The following MCTP2 variants were observed in gnomAD, a reference collection of about 807,000 sequenced individuals.
The protein encoded by MCTP2 is multiple C2 and transmembrane domain containing 2, also known as multiple C2 and transmembrane domain-containing protein 2.
A neutral mutation model predicts 111.6 loss-of-function variants in MCTP2; 132 were observed. The observed-to-expected ratio is 1.18, with a 90% CI of 1.03 to 1.37. The LOEUF is 1.37. MCTP2 is among the 40% of genes most tolerant of loss of function. The probability of loss-of-function intolerance (pLI) is 0.00; values close to 1 mark genes in which losing one functional copy is unlikely to be tolerated. For synonymous variants in MCTP2, 395 were observed against 387.7 expected, an observed-to-expected ratio of 1.02 and a Z score of -0.22; for missense variants, 1,183 against 1,067.9, an observed-to-expected ratio of 1.11 and a Z score of -1.50.
At chr15:94,315,660 T>G (rs12101974) in intron 4 of MCTP2, 23 bp downstream of exon 4, 464,253 of 1,557,434 alleles carry the variant, frequency 0.3, 72,134 homozygotes, top group Admixed American at 0.48. Flanking sequence ...TCTGTTATGG[T>G]GGGTGTAGCC....
At chr15:94,473,884 G>A (rs1174628745) in intron 21 of MCTP2, among the ~76,000 whole-genome samples, 1 of 152,060 alleles carries the variant, frequency 6.6e-6, no homozygotes, top group Non-Finnish European at 1.5e-5. Flanking sequence ...TGTTTCAAGT[G>A]GTTATTCTCA....
chr15:94,345,026 T>C, intron 7 of MCTP2, 103 bp from the exon 8 acceptor site: 1 of 1,316,186 alleles, frequency 7.6e-7, no homozygotes, highest in Non-Finnish European at 1.1e-6. Context: ...ATTATCTGAA[T>C]GTAACCTGGA....
chr15:94,350,075 G>A (rs1339177316), intron 8 of MCTP2, among the ~76,000 whole-genome samples: 1 of 152,142 alleles, frequency 6.6e-6, no homozygotes, highest in Non-Finnish European at 1.5e-5. Context: ...AGCCATCTTT[G>A]AACAAGTCCT....
Position 94,398,954 on chromosome 15 carries a change from G to T in MCTP2, c.1789-7G>T. ...CCAATGTGTATTTTGTCTTTTGTTT[G>T]TGACAGATTAGAGATGGACAACCGA... On this transcript the variant is annotated splice_region_variant and splice_polypyrimidine_tract_variant and intron_variant, in intron 14 of 22. Transcript: ENST00000357742. The T allele has an allele frequency of 6.6e-7, 1 of 1,503,942 alleles. No homozygotes were observed. The highest frequency in any genetic ancestry group is 9.2e-7 in the Non-Finnish European group (1 of 1,084,036). The allele number at this position is 1,503,942 out of a possible 1,614,324, so 93.2% of individuals were successfully genotyped here.
intron 17 of MCTP2, among the ~76,000 whole-genome samples, chr15:94,411,177 T>C (rs2082134665): frequency 6.6e-6 from 1 of 152,162 alleles, no homozygotes; most frequent in African/African-American, 2.4e-5. Flanking sequence ...TATTTAGAAA[T>C]AGGGGGACCT....
At chr15:94,242,859 C>G (rs1234737983) in intron 1 of MCTP2, among the ~76,000 whole-genome samples, 1 of 150,398 alleles carries the variant, frequency 6.6e-6, no homozygotes, top group African/African-American at 2.4e-5. Context: ...AGCCTGGCCA[C>G]TTCTGGGGTT....
At chr15:94,404,303 TG>T (rs1432262267) in intron 17 of MCTP2, among the ~76,000 whole-genome samples, 10 of 144,328 alleles carry the variant, frequency 6.9e-5, no homozygotes, top group East Asian at 1.9e-4. Context: ...TATTTTTTAT[TG>T]TTTTTTTTTT....
In MCTP2 at chr15:94,340,222, A is replaced by C. The variant is rs749190074; in HGVS notation, c.804A>C (p.Thr268=). 19 of 1,612,954 alleles carry C rather than the reference A, an allele frequency of 1.2e-5. No individual in the cohort carries two copies. Among genetic ancestry groups the C allele is most frequent in the African/African-American group, 2.7e-5 (2 of 74,912 alleles). The part of the protein sequence containing the change: ...RVKVYDRDLT[T]SDFMGSAFVI... ...AGGTATATGATCGAGATTTAACCAC[A>C]TCTGATTTCATGGGTTCTGCATTTG... Residue 268 remains threonine, a synonymous_variant, in exon 6 of 23, where the codon ACA becomes ACC. Coordinates refer to ENST00000357742, the MANE Select transcript of MCTP2 (RefSeq NM_001385001.1).
At chr15:94,326,808 T>TC (rs1170531750) in intron 4 of MCTP2, among the ~76,000 whole-genome samples, 8 of 39,498 alleles carry the variant, frequency 2.0e-4, no homozygotes, top group East Asian at 9.4e-4. Flanking sequence ...CCTCAGGTGA[T>TC]CCCCGCCCCA....
intron 2 of MCTP2, among the ~76,000 whole-genome samples, chr15:94,313,596 G>T (rs555596423): frequency 1.3e-5 from 2 of 152,114 alleles, no homozygotes; most frequent in African/African-American, 4.8e-5. Context: ...AGCTACTCGG[G>T]AGGCTGAGGC....
chr15:94,250,729 G>T (rs1012050680), intron 1 of MCTP2, among the ~76,000 whole-genome samples: 4 of 152,172 alleles, frequency 2.6e-5, no homozygotes, highest in Non-Finnish European at 5.9e-5. Flanking sequence ...TGGCCTGAAA[G>T]AATACATTTT....
At chr15:94,296,917 T>C (rs1270264695) in intron 1 of MCTP2, among the ~76,000 whole-genome samples, 1 of 152,218 alleles carries the variant, frequency 6.6e-6, no homozygotes, top group Non-Finnish European at 1.5e-5. Flanking sequence ...AGAGACAAAG[T>C]CCTGACTTTT....
At chr15:94,240,572 G>T (rs1241680873) in intron 1 of MCTP2, among the ~76,000 whole-genome samples, 1 of 152,158 alleles carries the variant, frequency 6.6e-6, no homozygotes, top group East Asian at 1.9e-4. Context: ...TTCATGACAG[G>T]GGAGGCCTTA....
intron 1 of MCTP2, among the ~76,000 whole-genome samples, chr15:94,241,657 T>A (rs988371150): frequency 1.3e-5 from 2 of 151,874 alleles, no homozygotes; most frequent in African/African-American, 4.8e-5. Context: ...GATATATATA[T>A]TTTTTTTCTG....
intron 8 of MCTP2, 156 bp from the exon 9 acceptor site, chr15:94,355,981 A>G (rs2078599330): frequency 1.5e-6 from 2 of 1,308,846 alleles, no homozygotes; most frequent in Non-Finnish European, 9.7e-7. Flanking sequence ...TAACTGTGAC[A>G]GCAGGTTTGC....
intron 4 of MCTP2, among the ~76,000 whole-genome samples, chr15:94,335,311 G>A (rs985879924): frequency 1.3e-5 from 2 of 152,184 alleles, no homozygotes; most frequent in African/African-American, 2.4e-5. Context: ...TATAAAATCA[G>A]TGGAAGAAAA....
chr15:94,349,596 G>A (rs921471887), intron 8 of MCTP2, among the ~76,000 whole-genome samples: 16 of 152,022 alleles, frequency 1.1e-4, no homozygotes, highest in South Asian at 6.2e-4. Context: ...TGAGGCGGGC[G>A]GATCACGAGG....
intron 2 of MCTP2, among the ~76,000 whole-genome samples, chr15:94,310,568 C>T (rs931983679): frequency 3.8e-4 from 57 of 151,902 alleles, no homozygotes; most frequent in African/African-American, 1.3e-3. Flanking sequence ...GCGGGAAGAT[C>T]GCTTAAGGCT....
intron 17 of MCTP2, among the ~76,000 whole-genome samples, chr15:94,430,223 C>G (rs2083097599): frequency 6.6e-6 from 1 of 152,124 alleles, no homozygotes; most frequent in Non-Finnish European, 1.5e-5. Flanking sequence ...AGTCTAGCAA[C>G]TCCCTTAGAA....
Sources: allele counts gnomAD v4.1 joint callset (sites outside exome capture counted in the v4.1 genomes callset), GRCh38; gene constraint gnomAD v4.1.1; transcripts MANE v1.5; gene names NCBI Gene and HGNC (gene_info 2026-07-23, HGNC 2026-07-21).